The following KIF21B variants were observed in gnomAD, a reference collection of about 807,000 sequenced individuals.
The protein encoded by KIF21B is kinesin-like protein KIF21B.
In KIF21B, 85 loss-of-function variants were observed where a neutral mutation model predicts 192.9. The ratio of observed to expected loss-of-function variants is 0.44; its 90% CI spans 0.37 to 0.53. KIF21B has a LOEUF of 0.53. KIF21B is among the 20% of genes least tolerant of loss of function. KIF21B has a pLI of 0.00. For synonymous variants in KIF21B, 832 were observed against 884.6 expected (o/e 0.94, Z 1.05); for missense variants, 1,716 against 2,194.8 (o/e 0.78, Z 4.36).
chr1:200,988,700 G>T, intron 22 of KIF21B, 66 bp downstream of exon 22: 1 of 1,553,578 alleles, frequency 6.4e-7, no homozygotes, highest in Non-Finnish European at 8.7e-7. Context: ...GGGCCTTGTG[G>T]GGGTCTGAGC....
intron 27 of KIF21B, 43 bp downstream of exon 27, chr1:200,984,816 C>G: frequency 7.1e-7 from 1 of 1,411,236 alleles, no homozygotes; most frequent in Non-Finnish European, 9.6e-7. Context: ...CTCCCCATTG[C>G]CACCTCAGTG....
chr1:200,982,958 C>T lies in KIF21B; in HGVS notation c.3842+98G>A, dbSNP rs1571917715. 12 of 1,098,634 alleles carry T rather than the reference C, an allele frequency of 1.1e-5. No individual in the cohort carries two copies. The East Asian group carries it at 3.1e-4, about 28-fold the overall frequency. 68.1% of individuals were successfully genotyped at this position (1,098,634 alleles called of 1,614,324 possible). A position where few individuals can be genotyped will look rare whatever the true frequency, so the allele number is the denominator to read the frequency against. ...GAGTGGAGGGGCCGCATGCTGAGGACACGGGTGTCAGGCGGGAGGGATGCA... is the reference window on the plus strand; with the variant it reads ...GAGTGGAGGGGCCGCATGCTGAGGATACGGGTGTCAGGCGGGAGGGATGCA... On this transcript the variant is annotated intron_variant, in intron 28 of 34. Transcript: ENST00000461742. The surrounding 1 kb of genome is among the most constrained non-coding windows in gnomAD (Gnocchi z 4.7).
At position 200,975,861 on chromosome 1, in the gene KIF21B, C is replaced by A. The variant is rs1331608977; in HGVS notation, c.4444-192G>T. Among the ~76,000 whole-genome samples, 3 of 152,214 alleles carry A rather than the reference C, an allele frequency of 2.0e-5. No individual in the cohort carries two copies. Among genetic ancestry groups the A allele is most frequent in the Middle Eastern group, 3.4e-3 (1 of 294 alleles). On this transcript the variant is annotated intron_variant, in intron 32 of 34. Coordinates refer to ENST00000461742, the MANE Select transcript of KIF21B (RefSeq NM_001252102.2). The surrounding 1 kb of genome is among the most constrained non-coding windows in gnomAD (Gnocchi z 4.3). ...GCTGCTCCTTCTAAGGGACTGGGAA[C>A]ACGGAAGGTTCAGATCTTGACCCTT... is the stretch of plus-strand genomic sequence containing the variant.
In KIF21B at chr1:201,002,172, A is replaced by G; in HGVS notation, c.1391T>C (p.Leu464Pro). The change falls in exon 9 of 35, where the codon CTA (leucine) becomes CCA (proline). Residue 464 changes from leucine to proline, a missense_variant. By Grantham distance (98) the Leu-to-Pro change is moderately conservative. Coordinates refer to ENST00000461742, the MANE Select transcript of KIF21B (RefSeq NM_001252102.2). ...ACAGCCCAACTCACCGGCCTTGGCT[A>G]GCAGCAGGTTGGCCTCCTGGCTCAT... ...QLMSQEANLL[L>P]AKAGDGNEAI... 2 of 1,613,996 alleles carry G rather than the reference A, an allele frequency of 1.2e-6. No individual in the cohort carries two copies. The highest frequency in any genetic ancestry group is 1.7e-6 in the Non-Finnish European group (2 of 1,180,020).
chr1:201,021,166 C>G (rs1658798620), intron 1 of KIF21B, among the ~76,000 whole-genome samples: 1 of 152,292 alleles, frequency 6.6e-6, no homozygotes, highest in South Asian at 2.1e-4. Flanking sequence ...AAAACTCCCC[C>G]TACAGCCCAT....
rs1268549977 is a variant in KIF21B, at chr1:200,977,353, C to T, written c.4184G>A (p.Gly1395Glu). ...GGTGGATGTGGCGGCACAGGCATCC[C>T]CTGAGATCACCTGGCCCGAGGACCT... ...TLTSSGQVIS[G>E]DACAATSTRA... Residue 1395 changes from glycine to glutamate, a missense_variant, in exon 31 of 35, where the codon GGG becomes GAG. Coordinates refer to ENST00000461742, the MANE Select transcript of KIF21B (RefSeq NM_001252102.2). The T allele has an allele frequency of 1.2e-6, 2 of 1,614,156 alleles. No homozygotes were observed. Among genetic ancestry groups the T allele is most frequent in the Non-Finnish European group, 1.7e-6 (2 of 1,179,978 alleles).
intron 27 of KIF21B, 89 bp downstream of exon 27, chr1:200,984,770 C>A: frequency 1.0e-6 from 1 of 996,840 alleles, no homozygotes; most frequent in East Asian, 2.9e-5. Context: ...TTGGCTTGGC[C>A]ACCTGAGCCC....
At chr1:201,019,778 C>T (rs1361649612) in intron 1 of KIF21B, among the ~76,000 whole-genome samples, 1 of 152,126 alleles carries the variant, frequency 6.6e-6, no homozygotes, top group Non-Finnish European at 1.5e-5. Context: ...GATCTGTAAA[C>T]TGGACACAGG....
chr1:200,974,799 A>G lies in KIF21B; in HGVS notation c.4729T>C (p.Phe1577Leu). 6.2e-7 allele frequency: 1 copy of G among 1,614,202 alleles called. No individual in the cohort carries two copies. The highest frequency in any genetic ancestry group is 8.5e-7 in the Non-Finnish European group (1 of 1,180,028). The change falls in exon 34 of 35, where the codon TTC becomes CTC. Residue 1577 changes from phenylalanine (F) to leucine (L), a missense_variant. By Grantham distance (22) the Phe-to-Leu change is conservative. Transcript: ENST00000461742. Reference protein sequence around the residue: ...GVIKVWNVDNFTPIGEIKGHD... With the variant: ...GVIKVWNVDNLTPIGEIKGHD... ...CCCTTGATCTCACCGATGGGTGTGA[A>G]GTTGTCCACGTTCCAGACCTTGATG...
At chr1:200,997,524 C>T (rs1657148050) in intron 14 of KIF21B, among the ~76,000 whole-genome samples, 1 of 152,224 alleles carries the variant, frequency 6.6e-6, no homozygotes, top group Non-Finnish European at 1.5e-5. Flanking sequence ...GAAGGCGGAT[C>T]ACAAGGTCAG....
chr1:200,991,940 T>C (rs912704557), intron 16 of KIF21B, among the ~76,000 whole-genome samples: 4 of 152,224 alleles, frequency 2.6e-5, no homozygotes, highest in African/African-American at 9.6e-5. Flanking sequence ...CCTTAGCCTC[T>C]TCTTCCCTCC....
At chr1:200,985,039 T>TG in intron 26 of KIF21B, 67 bp from the exon 27 acceptor site, 1 of 1,176,488 alleles carries the variant, frequency 8.5e-7, no homozygotes. Context: ...TACTTGGTGC[T>TG]GGGCTTCCAC....
At chr1:201,004,631 G>T in intron 6 of KIF21B, 135 bp downstream of exon 6, 1 of 1,220,368 alleles carries the variant, frequency 8.2e-7, no homozygotes, top group Non-Finnish European at 1.2e-6. Flanking sequence ...TGGGGACAGG[G>T]GTGACGCCTG....
chr1:201,018,811 C>T (rs532036412), intron 1 of KIF21B, among the ~76,000 whole-genome samples: 3 of 152,366 alleles, frequency 2.0e-5, no homozygotes, highest in South Asian at 2.1e-4. Flanking sequence ...TCCACCACAC[C>T]ATGCATTCTG....
At chr1:200,976,361 G>T (rs1281459640) in intron 32 of KIF21B, among the ~76,000 whole-genome samples, 1 of 152,216 alleles carries the variant, frequency 6.6e-6, no homozygotes, top group Non-Finnish European at 1.5e-5. Flanking sequence ...CAAAGTGCTA[G>T]GATTACAGAT....
intron 27 of KIF21B, among the ~76,000 whole-genome samples, 155 bp from the exon 28 acceptor site, chr1:200,983,249 A>T (rs1437079941): frequency 6.6e-6 from 1 of 152,024 alleles, no homozygotes; most frequent in Non-Finnish European, 1.5e-5. Context: ...TCGGGAGAGC[A>T]GGGGAGGAGG....
In KIF21B at chr1:200,998,057, G is replaced by T. The variant is rs539945269; in HGVS notation, c.2077+327C>A. 5.3e-4 allele frequency among the ~76,000 whole-genome samples: 80 copies of T among 152,314 alleles called. No individual in the cohort carries two copies. The highest frequency in any genetic ancestry group is 1.9e-3 in the African/African-American group (77 of 41,554). On this transcript the variant is annotated intron_variant, in intron 14 of 34. Coordinates refer to ENST00000461742, the MANE Select transcript of KIF21B (RefSeq NM_001252102.2). The surrounding 1 kb of genome is among the most constrained non-coding windows in gnomAD (Gnocchi z 4.3). The stretch of plus-strand genomic sequence containing the variant: ...ATAATGAAGATAGAATGTAAGAACG[G>T]TTACAAACAGGTCCAAAGGAAAAGA...
Position 200,983,073 on chromosome 1 carries a change from A to G in KIF21B, c.3825T>C (p.Ser1275=). The G allele has an allele frequency of 6.5e-7, 1 of 1,536,168 alleles. No homozygotes were observed. The highest frequency in any genetic ancestry group is 8.7e-7 in the Non-Finnish European group (1 of 1,146,900). The part of the protein sequence containing the change: ...ALDKSDDSDS[S]LSEVLRGIIS... ...GTGTGTACCTCAGGACCTCCGACAA[A>G]GAGGAGTCGCTGTCATCAGACCTGG... The change falls in exon 28 of 35, where the codon TCT becomes TCC. Residue 1275 remains serine (S), a synonymous_variant. Coordinates refer to ENST00000461742, the MANE Select transcript of KIF21B (RefSeq NM_001252102.2).
chr1:200,983,727 G>A (rs1331578459), intron 27 of KIF21B, among the ~76,000 whole-genome samples: 1 of 152,182 alleles, frequency 6.6e-6, no homozygotes, highest in Non-Finnish European at 1.5e-5. Flanking sequence ...TTCCAAAAAG[G>A]GGACCTGTTG....
Sources: gnomAD v4.1 joint callset for allele counts (sites outside exome capture counted in the v4.1 genomes callset) on GRCh38, gnomAD v4.1.1 for gene constraint, Gnocchi (gnomAD v3.1) non-coding constraint, MANE v1.5 for transcripts, NCBI Gene and HGNC (gene_info 2026-07-23, HGNC 2026-07-21) for gene names.